The following RUNDC3B variants were observed in gnomAD, a reference collection of about 807,000 sequenced individuals.
The protein encoded by RUNDC3B is RUN domain-containing protein 3B.
Under a neutral mutation model 58.4 loss-of-function variants are expected in RUNDC3B, and 33 were observed. That is an observed-to-expected ratio of 0.56 (90% CI 0.43 to 0.75). The LOEUF is 0.75. Among genes scored for constraint, RUNDC3B ranks in the 30% least tolerant of loss-of-function variants. The pLI is 0.00. For missense variants in RUNDC3B, 501 were observed against 535.7 expected (o/e 0.94, Z 0.64); for synonymous variants, 193 against 195.2 (o/e 0.99, Z 0.10).
At chr7:87,740,960 T>G (rs574726420) in intron 5 of RUNDC3B, among the ~76,000 whole-genome samples, 67 of 152,172 alleles carry the variant, frequency 4.4e-4, no homozygotes, top group Non-Finnish European at 2.9e-4. Flanking sequence ...ATCCCAACAC[T>G]TTAGGAGGCT....
At chr7:87,751,663 A>G (rs904340697) in intron 6 of RUNDC3B, among the ~76,000 whole-genome samples, 4 of 151,924 alleles carry the variant, frequency 2.6e-5, no homozygotes, top group African/African-American at 9.7e-5. Context: ...GAGTTCACTC[A>G]TGATTTGGCT....
chr7:87,760,764 T>G (rs983500532), intron 6 of RUNDC3B, among the ~76,000 whole-genome samples: 2 of 152,072 alleles, frequency 1.3e-5, no homozygotes, highest in African/African-American at 4.8e-5. Flanking sequence ...CTGGGACAAC[T>G]GACTATCCAC....
intron 2 of RUNDC3B, among the ~76,000 whole-genome samples, chr7:87,680,949 T>A (rs1826870095): frequency 6.6e-6 from 1 of 150,624 alleles, no homozygotes; most frequent in Non-Finnish European, 1.5e-5. Context: ...GGATGATTGC[T>A]TGAAATCATT....
chr7:87,808,674 CTT>C (rs2130936371), intron 9 of RUNDC3B, among the ~76,000 whole-genome samples: 1 of 152,140 alleles, frequency 6.6e-6, no homozygotes, highest in South Asian at 2.1e-4. Context: ...AAGGTACTGA[CTT>C]TTGATATTTC....
intron 2 of RUNDC3B, among the ~76,000 whole-genome samples, chr7:87,683,353 T>A (rs1827123904): frequency 6.6e-6 from 1 of 152,240 alleles, no homozygotes; most frequent in Non-Finnish European, 1.5e-5. Flanking sequence ...TATTCACCAC[T>A]TGCCTAACTG....
chr7:87,722,981 G>A (rs531863746), intron 4 of RUNDC3B, among the ~76,000 whole-genome samples: 17 of 152,276 alleles, frequency 1.1e-4, no homozygotes, highest in African/African-American at 3.8e-4. Flanking sequence ...ACGTGAAGTT[G>A]TAGTTCCATA....
chr7:87,762,391 C>G (rs1204261741), intron 6 of RUNDC3B, among the ~76,000 whole-genome samples: 1 of 151,222 alleles, frequency 6.6e-6, no homozygotes, highest in East Asian at 1.9e-4. Flanking sequence ...GTTTTTACAT[C>G]CATATGTGTA....
At chr7:87,752,590 T>C (rs1327271809) in intron 6 of RUNDC3B, among the ~76,000 whole-genome samples, 4 of 152,206 alleles carry the variant, frequency 2.6e-5, no homozygotes, top group Admixed American at 2.6e-4. Flanking sequence ...AACTTCTTCC[T>C]GGTTTAGTCT....
chr7:87,778,306 G>A (rs956001918), intron 8 of RUNDC3B, among the ~76,000 whole-genome samples: 1 of 151,958 alleles, frequency 6.6e-6, no homozygotes, highest in East Asian at 1.9e-4. Flanking sequence ...AGCTAGGCAT[G>A]GTGGCATATG....
At chr7:87,743,767 TCTTA>T (rs1425217538) in intron 6 of RUNDC3B, among the ~76,000 whole-genome samples, 1 of 152,120 alleles carries the variant, frequency 6.6e-6, no homozygotes, top group Non-Finnish European at 1.5e-5. Context: ...CTGTGGGTTG[TCTTA>T]CTCTGCTGAC....
intron 7 of RUNDC3B, among the ~76,000 whole-genome samples, chr7:87,775,414 A>C (rs1021693251): frequency 3.3e-5 from 5 of 152,244 alleles, no homozygotes; most frequent in Non-Finnish European, 5.9e-5. Context: ...CTGTTATTAC[A>C]AAAGAGTCAA....
At position 87,764,953 on chromosome 7, in the gene RUNDC3B, AT is replaced by A. The variant is rs538025273; in HGVS notation, c.630-5620del. 9.3e-5 allele frequency among the ~76,000 whole-genome samples: 14 copies of A among 151,314 alleles called. 1 individual carries two copies. Among genetic ancestry groups the A allele is most frequent in the African/African-American group, 3.1e-4 (13 of 41,340 alleles). On this transcript the variant is annotated intron_variant, in intron 6 of 10. Transcript: ENST00000394654. Reference sequence around the variant, plus strand: ...GTCCTATGCTCTTTTTTGTTGGGAGATTTTTTTTAATTACTGGTTCATTTTA... The same window carrying A: ...GTCCTATGCTCTTTTTTGTTGGGAGATTTTTTTAATTACTGGTTCATTTTA...
chr7:87,734,224 C>T (rs1831781803), intron 4 of RUNDC3B, among the ~76,000 whole-genome samples: 1 of 152,120 alleles, frequency 6.6e-6, no homozygotes, highest in Non-Finnish European at 1.5e-5. Context: ...CTTTGAAAAA[C>T]AGTCTGGCAA....
rs773095108 is a variant in RUNDC3B, at chr7:87,710,577, C to G, written c.380C>G (p.Ala127Gly). 2 of 1,573,674 alleles carry G rather than the reference C, an allele frequency of 1.3e-6. No individual in the cohort carries two copies. Among genetic ancestry groups the G allele is most frequent in the Non-Finnish European group, 1.7e-6 (2 of 1,154,476 alleles). The change falls in exon 4 of 11, where the codon GCC (alanine) becomes GGC (glycine). Residue 127 changes from alanine to glycine, a missense_variant. By Grantham distance (60) the Ala-to-Gly change is moderately conservative. Transcript: ENST00000394654. The part of the protein sequence containing the change: ...NVSSSRAKGR[A>G]WIRVALMEKH... ...CTTTCTTCTTCCTTTTAGGGTAGAG[C>G]CTGGATCAGAGTAGCACTCATGGAA...
chr7:87,795,367 A>G (rs1225540671), intron 8 of RUNDC3B, among the ~76,000 whole-genome samples: 2 of 152,230 alleles, frequency 1.3e-5, no homozygotes, highest in Admixed American at 6.5e-5. Context: ...GCAAACAGGC[A>G]TATGAAAAGG....
intron 1 of RUNDC3B, among the ~76,000 whole-genome samples, chr7:87,640,461 A>C (rs1052560866): frequency 6.6e-6 from 1 of 151,944 alleles, no homozygotes; most frequent in Non-Finnish European, 1.5e-5. Flanking sequence ...AGTGATCCTC[A>C]GCCTCCTGAG....
chr7:87,808,839 A>G (rs1277565275), intron 9 of RUNDC3B, among the ~76,000 whole-genome samples: 1 of 152,118 alleles, frequency 6.6e-6, no homozygotes, highest in African/African-American at 2.4e-5. Flanking sequence ...GAAAAATTAA[A>G]TTTGTTGCAA....
intron 4 of RUNDC3B, among the ~76,000 whole-genome samples, chr7:87,711,848 C>T (rs556431515): frequency 9.9e-5 from 15 of 152,012 alleles, no homozygotes; most frequent in East Asian, 1.9e-4. Context: ...TCTAAACTAC[C>T]GTTCTTTTTT....
chr7:87,642,372 A>G (rs1822545589), intron 1 of RUNDC3B, among the ~76,000 whole-genome samples: 1 of 151,996 alleles, frequency 6.6e-6, no homozygotes, highest in Admixed American at 6.5e-5. Flanking sequence ...TTTAATGTCT[A>G]GCTTACTAGG....
Sources: allele counts gnomAD v4.1 joint callset (sites outside exome capture counted in the v4.1 genomes callset), GRCh38; gene constraint gnomAD v4.1.1; transcripts MANE v1.5; gene names NCBI Gene and HGNC (gene_info 2026-07-23, HGNC 2026-07-21).